F2: variants seen among roughly 807,000 people sequenced by gnomAD.
F2 encodes coagulation factor II, thrombin.
A neutral mutation model predicts 81.9 loss-of-function variants in F2; 34 were observed. The observed-to-expected ratio is 0.42, with a 90% confidence interval of 0.32 to 0.55. The LOEUF is 0.55. Ranked by LOEUF, F2 falls within the 20% of genes least tolerant of loss-of-function variation. The pLI, the probability that F2 is intolerant of heterozygous loss-of-function variation, is 0.18. For synonymous variants in F2, 296 were observed against 326.4 expected (o/e 0.91, Z 1.01); for missense variants, 630 against 833.4 (o/e 0.76, Z 3.00).
rs5897 is a variant in F2 at position 46,728,021 on chromosome 11, C to A, written c.1156C>A (p.Pro386Thr). 218 of 1,610,668 alleles carry A rather than the reference C, an allele frequency of 1.4e-4. No homozygotes were observed. The highest frequency in any genetic ancestry group is 1.8e-4 in the Non-Finnish European group (208 of 1,179,014). The change falls in exon 10 of 14, where the codon CCC becomes ACC. Residue 386 changes from proline (P) to threonine (T), a missense_variant. By Grantham distance (38) the Pro-to-Thr change is conservative. Coordinates refer to ENST00000311907, the MANE Select transcript of F2 (RefSeq NM_000506.5). This position sits in a 1 kb window ranked among gnomAD's most constrained non-coding sequence, Gnocchi z 5.1. ...PWQVMLFRKS[P>T]QELLCGASLI... ...GCAGGTGATGCTTTTCCGGAAGAGT[C>A]CCCAGGAGCTGCTGTGTGGGGCCAG...
rs147699032 is a variant in F2, at chr11:46,726,142, C to T, written c.843C>T (p.Gly281=). The T allele has an allele frequency of 9.9e-4, 1,597 of 1,614,006 alleles. 5 individuals are homozygous for T. Among genetic ancestry groups the T allele is most frequent in the Admixed American group, 1.6e-3 (99 of 60,026 alleles). The change falls in exon 7 of 14, where the codon GGC becomes GGT. Residue 281 remains glycine, a synonymous_variant. Transcript: ENST00000311907. The surrounding 1 kb of genome is among the most constrained non-coding windows in gnomAD (Gnocchi z 5.9). ...GVWCYVAGKP[G]DFGYCDLNYC... Reference sequence around the variant, plus strand: ...GGTGCTATGTGGCCGGGAAGCCTGGCGACTTTGGGTACTGCGACCTCAACT... The same window carrying T: ...GGTGCTATGTGGCCGGGAAGCCTGGTGACTTTGGGTACTGCGACCTCAACT...
Position 46,728,689 on chromosome 11 carries a change from T to C in F2, c.1324T>C (p.Ser442Pro). 1 of 1,614,136 alleles carries C rather than the reference T, an allele frequency of 6.2e-7. No individual in the cohort carries two copies. Among genetic ancestry groups the C allele is most frequent in the Non-Finnish European group, 8.5e-7 (1 of 1,180,024 alleles). ...TRYERNIEKISMLEKIYIHPR... is the reference protein window; with the variant it reads ...TRYERNIEKIPMLEKIYIHPR... ...GTACGAGCGAAACATTGAAAAGATA[T>C]CCATGTTGGAAAAGATCTACATCCA... Residue 442 changes from serine (S) to proline (P), a missense_variant, in exon 11 of 14, where the codon TCC (serine) becomes CCC (proline). Transcript: ENST00000311907. This position sits in a 1 kb window ranked among gnomAD's most constrained non-coding sequence, Gnocchi z 5.1.
intron 6 of F2, among the ~76,000 whole-genome samples, chr11:46,725,515 C>T (rs3136460): frequency 6.6e-6 from 1 of 152,050 alleles, no homozygotes; most frequent in Non-Finnish European, 1.5e-5. Context: ...CTAGTGATCC[C>T]AGCAAGCGTC....
chr11:46,723,621 T>C lies in F2; in HGVS notation c.559+103T>C, dbSNP rs2064853410. 7.0e-7 allele frequency: 1 copy of C among 1,422,808 alleles called. No homozygotes were observed. The highest frequency in any genetic ancestry group is 1.2e-5 in the South Asian group (1 of 81,058). The allele number at this position is 1,422,808 out of a possible 1,614,324, so 88.1% of individuals were successfully genotyped here. A position where few individuals can be genotyped will look rare whatever the true frequency, so the allele number is the denominator to read the frequency against. ...AAGAATACTGGCTACCCAGGCACAG[T>C]GGCTCATGCCCGTAATCCCAGCACT... On this transcript the variant is annotated intron_variant, in intron 6 of 13. Coordinates refer to ENST00000311907, the MANE Select transcript of F2 (RefSeq NM_000506.5). The surrounding 1 kb of genome is among the most constrained non-coding windows in gnomAD (Gnocchi z 5.6).
chr11:46,726,860 A>AC lies in F2; in HGVS notation c.1130+25dup. 1 of 1,613,470 alleles carries AC rather than the reference A, an allele frequency of 6.2e-7. No homozygotes were observed. The highest frequency in any genetic ancestry group is 8.5e-7 in the Non-Finnish European group (1 of 1,179,628). On this transcript the variant is annotated intron_variant, in intron 9 of 13. Transcript: ENST00000311907. The surrounding 1 kb of genome is among the most constrained non-coding windows in gnomAD (Gnocchi z 5.9). ...TTGGTGTGTCCTGGAGCCCTGCGCT[A>AC]CCATTCACTCCTGGGGGCAGGTGTG...
At chr11:46,721,788 C>G (rs575464085) in intron 4 of F2, among the ~76,000 whole-genome samples, 37 of 152,112 alleles carry the variant, frequency 2.4e-4, no homozygotes, top group Middle Eastern at 3.4e-3. Context: ...TCTCAGTCTC[C>G]CAAAGGAGTA....
intron 2 of F2, chr11:46,720,093 C>T: frequency 1.6e-6 from 1 of 623,748 alleles, no homozygotes; most frequent in Non-Finnish European, 2.8e-6. Flanking sequence ...GAGGCCTCCA[C>T]AGTCTTCAGA....
At chr11:46,727,175 CCA>C (rs1444597730) in intron 9 of F2, among the ~76,000 whole-genome samples, 1 of 152,168 alleles carries the variant, frequency 6.6e-6, no homozygotes, top group Non-Finnish European at 1.5e-5. Context: ...ACATGCGCCA[CCA>C]CACCCGGCTA....
chr11:46,729,914 C>T (rs934143793), intron 12 of F2, among the ~76,000 whole-genome samples: 2 of 151,458 alleles, frequency 1.3e-5, no homozygotes, highest in Admixed American at 1.3e-4. Context: ...CCCAGACGGA[C>T]AATGTCTGTG....
intron 12 of F2, among the ~76,000 whole-genome samples, chr11:46,732,556 C>T (rs1334429302): frequency 1.3e-5 from 2 of 151,884 alleles, no homozygotes; most frequent in East Asian, 3.9e-4. Context: ...TGCCACCACG[C>T]CTGGCTAATT....
rs570442167 is a variant in F2 at position 46,719,684 on chromosome 11, C to G, written c.80-18C>G. 8.2e-6 allele frequency: 13 copies of G among 1,579,218 alleles called. No homozygotes were observed. In the East Asian group the frequency reaches 2.8e-4, roughly 34 times the overall value. ...GTTCCTGAGGCCGCTGTCCCATGAC[C>G]CCCCCACCGCCTTACAGTGTTCCTG... is the stretch of plus-strand genomic sequence containing the variant. On this transcript the variant is annotated intron_variant, in intron 1 of 13. Transcript: ENST00000311907. The surrounding 1 kb of genome is among the most constrained non-coding windows in gnomAD (Gnocchi z 4.7).
chr11:46,739,145 G>T (rs777097595), intron 13 of F2, 27 bp downstream of exon 13: 1 of 1,613,734 alleles, frequency 6.2e-7, no homozygotes, highest in Admixed American at 1.7e-5. Flanking sequence ...CCCAGGGCCT[G>T]GTGAACACAT....
chr11:46,734,234 T>C (rs1258192687), intron 12 of F2, among the ~76,000 whole-genome samples: 4 of 152,090 alleles, frequency 2.6e-5, no homozygotes, highest in Admixed American at 6.6e-5. Flanking sequence ...AGTAGCTGGT[T>C]CCACAGGTGC....
At position 46,720,066 on chromosome 11, in the gene F2, C is replaced by T. The variant is rs149847109; in HGVS notation, c.240+204C>T. 178 of 693,624 alleles carry T rather than the reference C, an allele frequency of 2.6e-4. 2 individuals carry two copies. In the East Asian group the frequency reaches 4.8e-3, roughly 19 times the overall value. 43.0% of individuals were successfully genotyped at this position (693,624 alleles called of 1,614,324 possible). On this transcript the variant is annotated intron_variant, in intron 2 of 13. Transcript: ENST00000311907. Reference sequence around the variant, plus strand: ...TCTGTGCCTGGACTGTGTCCCTGTGCAGCTCCATGACATGGGGAGGCCTCC... The same window carrying T: ...TCTGTGCCTGGACTGTGTCCCTGTGTAGCTCCATGACATGGGGAGGCCTCC...
At chr11:46,729,945 T>TAGG (rs3136476) in intron 12 of F2, among the ~76,000 whole-genome samples, 30,846 of 151,726 alleles carry the variant, frequency 0.2, 3,790 homozygotes, top group African/African-American at 0.35. Flanking sequence ...GCTTCCTTCC[T>TAGG]AGGAGGGCAC....
At position 46,737,035 on chromosome 11, in the gene F2, T is replaced by C. The variant is rs142100475; in HGVS notation, c.1655-2013T>C. Reference sequence around the variant, plus strand: ...TATAATTTTTTCTATTGGTATCTTATTTTATGTATTTGTAATATCTTATTT... The same window carrying C: ...TATAATTTTTTCTATTGGTATCTTACTTTATGTATTTGTAATATCTTATTT... On this transcript the variant is annotated intron_variant, in intron 12 of 13. Coordinates refer to ENST00000311907, the MANE Select transcript of F2 (RefSeq NM_000506.5). Among the ~76,000 whole-genome samples the C allele has an allele frequency of 5.0e-3, 759 of 152,322 alleles. 3 individuals are homozygous for C. Among genetic ancestry groups the C allele is most frequent in the African/African-American group, 0.018 (732 of 41,572 alleles).
At position 46,739,325 on chromosome 11, in the gene F2, C is replaced by T. The variant is rs1183827513; in HGVS notation, c.1786C>T (p.Arg596Trp). ...GIVSWGEGCD[R>W]DGKYGFYTHV... ...CGTCTCATGGGGTGAAGGCTGTGAC[C>T]GGGATGGGAAATATGGCTTCTACAC... Residue 596 changes from arginine (R) to tryptophan (W), a missense_variant, in exon 14 of 14, where the codon CGG becomes TGG. Transcript: ENST00000311907. 4.3e-6 allele frequency: 7 copies of T among 1,614,018 alleles called. No homozygotes were observed. The highest frequency in any genetic ancestry group is 5.1e-6 in the Non-Finnish European group (6 of 1,180,032).
intron 12 of F2, among the ~76,000 whole-genome samples, chr11:46,734,102 AT>A: frequency 6.8e-6 from 1 of 146,970 alleles, no homozygotes; most frequent in South Asian, 2.2e-4. Context: ...CCATTTTTAT[AT>A]AATTTTTTTT....
intron 4 of F2, among the ~76,000 whole-genome samples, chr11:46,722,663 A>G (rs1187737196): frequency 6.6e-6 from 1 of 152,258 alleles, no homozygotes; most frequent in Non-Finnish European, 1.5e-5. Flanking sequence ...AAGAGACCAC[A>G]GGAAAATGAG....
Sources: gnomAD v4.1 joint callset for allele counts (sites outside exome capture counted in the v4.1 genomes callset) on GRCh38, gnomAD v4.1.1 for gene constraint, Gnocchi (gnomAD v3.1) non-coding constraint, MANE v1.5 for transcripts, NCBI Gene and HGNC (gene_info 2026-07-23, HGNC 2026-07-21) for gene names.